Variants in TXNDC16 observed in about 807,000 individuals in gnomAD.
TXNDC16 encodes the protein thioredoxin domain containing 16, also known as thioredoxin domain-containing protein 16.
TXNDC16 carries 74 observed loss-of-function variants against 85.6 expected under a neutral mutation model. The observed-to-expected ratio is 0.86, with a 90% CI of 0.72 to 1.05. The LOEUF is 1.05. Among genes scored for constraint, TXNDC16 ranks in the 50% least tolerant of loss-of-function variants. The pLI is 0.00. For missense variants in TXNDC16, 959 were observed against 947.0 expected (o/e 1.01, Z -0.17); for synonymous variants, 335 against 326.5 (o/e 1.03, Z -0.28).
At chr14:52,535,602 G>A (rs1198915124) in intron 6 of TXNDC16, among the ~76,000 whole-genome samples, 2 of 152,092 alleles carry the variant, frequency 1.3e-5, no homozygotes, top group Admixed American at 1.3e-4. Context: ...GTAAACCTGT[G>A]TCCTTAACAA....
chr14:52,520,946 T>C (rs1374626000), intron 6 of TXNDC16, among the ~76,000 whole-genome samples: 1 of 152,164 alleles, frequency 6.6e-6, no homozygotes, highest in Admixed American at 6.5e-5. Flanking sequence ...AGCTTTTATG[T>C]AAGTTATATT....
In TXNDC16 at chr14:52,455,445, G is replaced by A. The variant is rs981635471; in HGVS notation, c.1721C>T (p.Ala574Val). ...DVLLLSTKYA[A>V]SLPALLLARH... ...GGCAAGCAGCAGGGCTGGAAGACTTGCAGCATATTTGGTTGACCTATGGAG... is the reference window on the plus strand; with the variant it reads ...GGCAAGCAGCAGGGCTGGAAGACTTACAGCATATTTGGTTGACCTATGGAG... The change falls in exon 18 of 21, where the codon GCA becomes GTA. Residue 574 changes from alanine to valine, a missense_variant. Coordinates refer to ENST00000281741, the MANE Select transcript of TXNDC16 (RefSeq NM_020784.3). 115 of 1,613,822 alleles carry A rather than the reference G, an allele frequency of 7.1e-5. No homozygotes were observed. Among genetic ancestry groups the A allele is most frequent in the Non-Finnish European group, 8.3e-5 (98 of 1,179,916 alleles).
chr14:52,535,265 C>A (rs1371653326), intron 6 of TXNDC16, among the ~76,000 whole-genome samples: 2 of 152,082 alleles, frequency 1.3e-5, no homozygotes, highest in Non-Finnish European at 2.9e-5. Flanking sequence ...AAGATAGCTA[C>A]CCCTCTGTCC....
intron 4 of TXNDC16, among the ~76,000 whole-genome samples, chr14:52,539,278 GA>G (rs1483519638): frequency 3.9e-5 from 6 of 152,310 alleles, no homozygotes; most frequent in Admixed American, 3.3e-4. Flanking sequence ...AAGAACTGAA[GA>G]AATGCAGTAA....
At chr14:52,504,157 C>T (rs980196385) in intron 9 of TXNDC16, among the ~76,000 whole-genome samples, 40 of 152,226 alleles carry the variant, frequency 2.6e-4, no homozygotes, top group Middle Eastern at 6.8e-3. Context: ...CAGGATATTA[C>T]CCAGGAGAAC....
chr14:52,465,575 GAGCAA>G (rs1566542188), intron 16 of TXNDC16, among the ~76,000 whole-genome samples: 1 of 141,366 alleles, frequency 7.1e-6, no homozygotes, highest in African/African-American at 2.7e-5. Flanking sequence ...CTGGGCGACA[GAGCAA>G]GACTCCATCT....
intron 2 of TXNDC16, among the ~76,000 whole-genome samples, chr14:52,543,925 C>T (rs2037888337): frequency 6.6e-6 from 1 of 152,008 alleles, no homozygotes; most frequent in Non-Finnish European, 1.5e-5. Flanking sequence ...AAACATTAAC[C>T]AATCCATTTT....
At chr14:52,464,575 G>C (rs1387773349) in intron 16 of TXNDC16, among the ~76,000 whole-genome samples, 1 of 152,106 alleles carries the variant, frequency 6.6e-6, no homozygotes, top group East Asian at 1.9e-4. Context: ...GGAAGGTGGA[G>C]GAGTAAAACA....
rs36007755 is a variant in TXNDC16, at chr14:52,497,880, C to CAAA, written c.757-6878_757-6876dup. On this transcript the variant is annotated intron_variant, in intron 9 of 20. Coordinates refer to ENST00000281741, the MANE Select transcript of TXNDC16 (RefSeq NM_020784.3). ...TGGGCAACGGAGCAAGACTCTGTCTCAAAAAAAAAAAAAAAAAAAACCTAC... is the reference window on the plus strand; with the variant it reads ...TGGGCAACGGAGCAAGACTCTGTCTCAAAAAAAAAAAAAAAAAAAAAAACCTAC... 2.3e-3 allele frequency among the ~76,000 whole-genome samples: 218 copies of CAAA among 95,500 alleles called. 3 individuals carry two copies. The highest frequency in any genetic ancestry group is 6.6e-3 in the African/African-American group (169 of 25,532). The allele number at this position is 95,500 out of a possible 152,430, so 62.7% of individuals were successfully genotyped here. A position where few individuals can be genotyped will look rare whatever the true frequency, so the allele number is the denominator to read the frequency against.
chr14:52,517,049 C>G (rs1265396600), intron 7 of TXNDC16, among the ~76,000 whole-genome samples: 1 of 152,050 alleles, frequency 6.6e-6, no homozygotes, highest in Admixed American at 6.6e-5. Flanking sequence ...CCAATTAACG[C>G]AATCCCCTCC....
In TXNDC16 at chr14:52,488,330, G is replaced by A. The variant is rs2036316434; in HGVS notation, c.1108+33C>T. The A allele has an allele frequency of 3.7e-6, 6 of 1,608,514 alleles. No homozygotes were observed. The East Asian group carries it at 1.3e-4, about 36-fold the overall frequency. On this transcript the variant is annotated intron_variant, in intron 12 of 20. Transcript: ENST00000281741. ...CACTGACTTTATGGGTGCTGGGCAG[G>A]ATGGGGAAGGGGTGAGAATCATAAC...
chr14:52,450,020 C>G (rs755389969), intron 18 of TXNDC16, among the ~76,000 whole-genome samples: 6 of 151,632 alleles, frequency 4.0e-5, no homozygotes, highest in Admixed American at 6.6e-5. Flanking sequence ...CAATGATACA[C>G]CTAAAGAACT....
intron 6 of TXNDC16, among the ~76,000 whole-genome samples, chr14:52,529,916 A>T (rs1484908550): frequency 9.8e-6 from 1 of 101,948 alleles, no homozygotes; most frequent in Non-Finnish European, 1.7e-5. Flanking sequence ...ATATTATATA[A>T]TATACATTAT....
At chr14:52,515,035 T>G in intron 7 of TXNDC16, 65 bp from the exon 8 acceptor site, 1 of 1,206,720 alleles carries the variant, frequency 8.3e-7, no homozygotes, top group East Asian at 2.4e-5. Context: ...TATGTAAACT[T>G]CTATTCTGAA....
chr14:52,526,684 C>T (rs1423517819), intron 6 of TXNDC16, among the ~76,000 whole-genome samples: 1 of 152,218 alleles, frequency 6.6e-6, no homozygotes, highest in Admixed American at 6.6e-5. Context: ...TTACAATCTC[C>T]ACCAAACTGA....
In TXNDC16 at chr14:52,542,391, A is replaced by G; in HGVS notation, c.223T>C (p.Tyr75His). ...LNEAVRPLQD[Y>H]GISVAKVNCV... ...TCTACCTTGGCAACTGAAATTCCAT[A>G]GTCCTGCAGAGGTCTAACAGCCTCA... The change falls in exon 4 of 21, where the codon TAT becomes CAT. Residue 75 changes from tyrosine (Y) to histidine (H), a missense_variant. Transcript: ENST00000281741. 9 of 1,606,944 alleles carry G rather than the reference A, an allele frequency of 5.6e-6. No individual in the cohort carries two copies. Among genetic ancestry groups the G allele is most frequent in the Non-Finnish European group, 7.6e-6 (9 of 1,177,102 alleles).
intron 1 of TXNDC16, among the ~76,000 whole-genome samples, chr14:52,547,127 T>G (rs1200061840): frequency 6.6e-6 from 1 of 152,184 alleles, no homozygotes; most frequent in Non-Finnish European, 1.5e-5. Flanking sequence ...AAAGACTAGA[T>G]GTTCAAAACT....
chr14:52,548,437 C>T (rs1350882570), intron 1 of TXNDC16, among the ~76,000 whole-genome samples: 1 of 152,170 alleles, frequency 6.6e-6, no homozygotes, highest in Non-Finnish European at 1.5e-5. Flanking sequence ...AACACTGCGC[C>T]TGGGGTGTGA....
chr14:52,536,246 A>G (rs2037697954), intron 6 of TXNDC16, among the ~76,000 whole-genome samples: 1 of 152,046 alleles, frequency 6.6e-6, no homozygotes, highest in Non-Finnish European at 1.5e-5. Flanking sequence ...GACACAGGGA[A>G]AAGATGACCA....
Sources: gnomAD v4.1 joint callset for allele counts (sites outside exome capture counted in the v4.1 genomes callset) on GRCh38, gnomAD v4.1.1 for gene constraint, MANE v1.5 for transcripts, NCBI Gene and HGNC (gene_info 2026-07-23, HGNC 2026-07-21) for gene names.